NDUFS6: variants seen among roughly 807,000 people sequenced by gnomAD.
NDUFS6 encodes the protein NADH:ubiquinone oxidoreductase subunit S6.
In NDUFS6, 14 loss-of-function variants were observed where a neutral mutation model predicts 13.2. That is an observed-to-expected ratio of 1.06 (90% CI 0.70 to 1.66). The LOEUF (loss-of-function observed/expected upper bound fraction) is 1.66, where lower values mean the gene tolerates loss of function less well. Among genes scored for constraint, NDUFS6 ranks in the 40% most tolerant of loss-of-function variants. The pLI, the probability that NDUFS6 is intolerant of heterozygous loss-of-function variation, is 0.00. For missense variants in NDUFS6, 206 were observed against 170.8 expected, an observed-to-expected ratio of 1.21 and a Z score of -1.15; for synonymous variants, 95 against 72.3, an observed-to-expected ratio of 1.31 and a Z score of -1.60.
intron 3 of NDUFS6, 90 bp from the exon 4 acceptor site, chr5:1,815,761 C>T: frequency 7.5e-7 from 1 of 1,331,330 alleles, no homozygotes. Context: ...TTCTGACAGT[C>T]TAAGTTTTAT....
chr5:1,808,858 T>C (rs1336323211), intron 2 of NDUFS6, among the ~76,000 whole-genome samples: 1 of 152,274 alleles, frequency 6.6e-6, no homozygotes, highest in African/African-American at 2.4e-5. Flanking sequence ...AAATAATTAT[T>C]GGCATTCATG....
chr5:1,802,431 A>G (rs1734062634), intron 2 of NDUFS6, 57 bp downstream of exon 2: 2 of 1,395,152 alleles, frequency 1.4e-6, no homozygotes, highest in South Asian at 1.2e-5. Flanking sequence ...TATGTAACCA[A>G]CAAGAAATAA....
rs975339395 is a variant in NDUFS6, at chr5:1,815,841, A to G, written c.310-10A>G. On this transcript the variant is annotated splice_polypyrimidine_tract_variant and intron_variant, in intron 3 of 3. Coordinates refer to ENST00000274137, the MANE Select transcript of NDUFS6 (RefSeq NM_004553.6). Reference sequence around the variant, plus strand: ...GGAAATATGACATCATTCCTTTTGAATTTTTTCAGGACAAAGAAACAAAAA... The same window carrying G: ...GGAAATATGACATCATTCCTTTTGAGTTTTTTCAGGACAAAGAAACAAAAA... 3 of 1,613,994 alleles carry G rather than the reference A, an allele frequency of 1.9e-6. No homozygotes were observed. Among genetic ancestry groups the G allele is most frequent in the Admixed American group, 3.3e-5 (2 of 60,020 alleles).
At position 1,813,399 on chromosome 5, in the gene NDUFS6, G is replaced by A. The variant is rs962317888; in HGVS notation, c.187-940G>A. 1.1e-4 allele frequency among the ~76,000 whole-genome samples: 17 copies of A among 152,116 alleles called. No homozygotes were observed. The East Asian group carries it at 1.9e-3, about 17-fold the overall frequency. ...AAACTTGGAAGAAAGTCTAACGATC[G>A]TGCTCGCGTCCTCCTTCCTTTCCAC... On this transcript the variant is annotated intron_variant, in intron 2 of 3. Transcript: ENST00000274137.
chr5:1,812,204 CCTT>C (rs1299446016), intron 2 of NDUFS6, among the ~76,000 whole-genome samples: 6 of 152,124 alleles, frequency 3.9e-5, no homozygotes, highest in Non-Finnish European at 7.4e-5. Context: ...GGACTGAACT[CCTT>C]CTTCTACCAG....
rs530182359 is a variant in NDUFS6, at chr5:1,809,275, G to A, written c.187-5064G>A. 5.3e-5 allele frequency among the ~76,000 whole-genome samples: 8 copies of A among 152,302 alleles called. No individual in the cohort carries two copies. The South Asian group carries it at 1.0e-3, about 20-fold the overall frequency. ...GAGATGGCGTGCGGGCTGCTGTGAC[G>A]GTTCTCCCTTGATTCCCTCGTGAAG... On this transcript the variant is annotated intron_variant, in intron 2 of 3. Coordinates refer to ENST00000274137, the MANE Select transcript of NDUFS6 (RefSeq NM_004553.6).
At position 1,801,532 on chromosome 5, in the gene NDUFS6, G is replaced by A. The variant is rs752820726; in HGVS notation, c.115G>A (p.Val39Ile). The A allele has an allele frequency of 6.9e-6, 11 of 1,592,232 alleles. No individual in the cohort carries two copies. The highest frequency in any genetic ancestry group is 2.2e-5 in the East Asian group (1 of 44,502). Residue 39 changes from valine to isoleucine, a missense_variant, in exon 1 of 4, where the codon GTC (valine) becomes ATC (isoleucine). By Grantham distance (29) the Val-to-Ile change is conservative. Transcript: ENST00000274137. ...GVRVSPTGEK[V>I]THTGQVYDDK... The stretch of plus-strand genomic sequence containing the variant: ...GCGGGTCTCGCCGACCGGGGAGAAG[G>A]TCACGCACACTGGCCAGGTAACGGC...
Position 1,802,345 on chromosome 5 carries a change from A to T in NDUFS6, c.157A>T (p.Arg53Ter). ...GGTTTATGATGATAAAGACTACAGG[A>T]GAATTCGGTTTGTAGGTCGTCAGAA... ...GQVYDDKDYRRIRFVGRQKEV... is the reference protein window; with the variant it reads ...GQVYDDKDYR Residue 53 changes from arginine to a stop codon, truncating the protein, a stop_gained, in exon 2 of 4, where the codon AGA becomes TGA. Coordinates refer to ENST00000274137, the MANE Select transcript of NDUFS6 (RefSeq NM_004553.6). LOFTEE classifies it high-confidence loss of function. 2 of 1,614,126 alleles carry T rather than the reference A, an allele frequency of 1.2e-6. No homozygotes were observed. The highest frequency in any genetic ancestry group is 1.7e-6 in the Non-Finnish European group (2 of 1,179,992).
chr5:1,814,285 AT>A lies in NDUFS6; in HGVS notation c.187-53del. 3 of 68,108 alleles carry A rather than the reference AT, an allele frequency of 4.4e-5. No individual in the cohort carries two copies. The highest frequency in any genetic ancestry group is 1.6e-4 in the East Asian group (2 of 12,240). The allele number at this position is 68,108 out of a possible 1,614,324, so 4.2% of individuals were successfully genotyped here. Reference sequence around the variant, plus strand: ...ATTTGTGTGTGGTGGGTTAAATTGTATGTAGTTAGCAAGTTTGTGTATTTGT... The same window carrying A: ...ATTTGTGTGTGGTGGGTTAAATTGTAGTAGTTAGCAAGTTTGTGTATTTGT... On this transcript the variant is annotated intron_variant, in intron 2 of 3. Coordinates refer to ENST00000274137, the MANE Select transcript of NDUFS6 (RefSeq NM_004553.6). The surrounding 1 kb of genome is among the most constrained non-coding windows in gnomAD (Gnocchi z 4.9).
intron 2 of NDUFS6, among the ~76,000 whole-genome samples, chr5:1,812,946 G>A (rs188909941): frequency 2.6e-5 from 4 of 152,252 alleles, no homozygotes; most frequent in East Asian, 1.9e-4. Context: ...CCAGCTACTC[G>A]GGAGGCTGAG....
At position 1,814,447 on chromosome 5, in the gene NDUFS6, G is replaced by C; in HGVS notation, c.295G>C (p.Val99Leu). The C allele has an allele frequency of 1.2e-6, 2 of 1,614,202 alleles. No homozygotes were observed. Among genetic ancestry groups the C allele is most frequent in the Non-Finnish European group, 1.7e-6 (2 of 1,180,048 alleles). ...GGGGALGHPKVYINLDKETKT... is the reference protein window; with the variant it reads ...GGGGALGHPKLYINLDKETKT... ...CGGGGGAGCTCTTGGCCACCCAAAA[G>C]TGTATATAAACTTGGTGCGTAGCTG... Residue 99 changes from valine to leucine, a missense_variant, in exon 3 of 4, where the codon GTG becomes CTG. Transcript: ENST00000274137. This position sits in a 1 kb window ranked among gnomAD's most constrained non-coding sequence, Gnocchi z 4.9.
chr5:1,810,946 G>A (rs946412012), intron 2 of NDUFS6, among the ~76,000 whole-genome samples: 10 of 151,870 alleles, frequency 6.6e-5, no homozygotes, highest in Non-Finnish European at 1.3e-4. Flanking sequence ...CTTCTCTTTC[G>A]CCTCTGCCAC....
chr5:1,812,906 A>G (rs767308501), intron 2 of NDUFS6, among the ~76,000 whole-genome samples: 9 of 152,110 alleles, frequency 5.9e-5, no homozygotes, highest in Non-Finnish European at 1.3e-4. Context: ...TACAAAAATT[A>G]GTCGGACGTG....
At chr5:1,813,834 G>A (rs1734259371) in intron 2 of NDUFS6, among the ~76,000 whole-genome samples, 1 of 152,222 alleles carries the variant, frequency 6.6e-6, no homozygotes, top group South Asian at 2.1e-4. Flanking sequence ...GAAGGACATT[G>A]TTGGTCTAAC....
intron 2 of NDUFS6, among the ~76,000 whole-genome samples, chr5:1,802,859 T>C (rs191207230): frequency 1.3e-5 from 2 of 152,178 alleles, no homozygotes; most frequent in East Asian, 3.9e-4. Context: ...CAGGTGCCTG[T>C]GAGTGACCAC....
intron 2 of NDUFS6, among the ~76,000 whole-genome samples, chr5:1,806,497 T>C (rs1478482436): frequency 2.0e-5 from 3 of 152,246 alleles, no homozygotes. Flanking sequence ...CCACCAGGAT[T>C]AGGAGCAGTT....
chr5:1,810,046 T>C lies in NDUFS6; in HGVS notation c.187-4293T>C, dbSNP rs146284198. On this transcript the variant is annotated intron_variant, in intron 2 of 3. Transcript: ENST00000274137. The stretch of plus-strand genomic sequence containing the variant: ...GAAAAATAAACCTTTCCGAAACATA[T>C]CTGTGAGGGAGAGTGGTGCCCTGCC... 3.0e-3 allele frequency among the ~76,000 whole-genome samples: 461 copies of C among 151,442 alleles called. 5 individuals carry two copies. The highest frequency in any genetic ancestry group is 0.011 in the African/African-American group (444 of 41,246).
intron 2 of NDUFS6, among the ~76,000 whole-genome samples, chr5:1,808,019 C>G (rs1389164297): frequency 3.9e-5 from 6 of 152,130 alleles, no homozygotes; most frequent in African/African-American, 1.4e-4. Context: ...GGGTGAGGCC[C>G]CCAGCCAGAC....
At chr5:1,805,902 T>A (rs1303870125) in intron 2 of NDUFS6, among the ~76,000 whole-genome samples, 1 of 152,062 alleles carries the variant, frequency 6.6e-6, no homozygotes, top group East Asian at 1.9e-4. Context: ...CCTGCGCTGA[T>A]GGGCTTATGA....
Sources: gnomAD v4.1 joint callset for allele counts (sites outside exome capture counted in the v4.1 genomes callset) on GRCh38, gnomAD v4.1.1 for gene constraint, Gnocchi (gnomAD v3.1) non-coding constraint, MANE v1.5 for transcripts, NCBI Gene and HGNC (gene_info 2026-07-23, HGNC 2026-07-21) for gene names.